The following SP100 variants were observed in gnomAD, a reference collection of about 807,000 sequenced individuals.
SP100 encodes SP100 nuclear body protein.
A neutral mutation model predicts 130.0 loss-of-function variants in SP100; 84 were observed. The observed-to-expected ratio is 0.65, with a 90% CI of 0.54 to 0.77. SP100 has a LOEUF of 0.77. SP100 is among the 30% of genes least tolerant of loss of function. The pLI is 0.00. For missense variants in SP100, 978 were observed against 1,052.2 expected (o/e 0.93, Z 0.97); for synonymous variants, 331 against 351.7 (o/e 0.94, Z 0.66).
At chr2:230,488,383 T>G (rs192990696) in intron 17 of SP100, among the ~76,000 whole-genome samples, 1 of 151,758 alleles carries the variant, frequency 6.6e-6, no homozygotes, top group Non-Finnish European at 1.5e-5. Flanking sequence ...TTATTGAGAG[T>G]TTTTTTTGTT....
At chr2:230,530,465 A>C (rs867434630) in intron 24 of SP100, among the ~76,000 whole-genome samples, 2 of 152,194 alleles carry the variant, frequency 1.3e-5, no homozygotes, top group African/African-American at 2.4e-5. Context: ...TAGACCTAAA[A>C]CCATAAAAAC....
Position 230,460,592 on chromosome 2 carries a change from C to CTTTTTTTTTT in SP100, c.821-637_821-628dup, listed in dbSNP as rs1193506734. On this transcript the variant is annotated intron_variant, in intron 8 of 28. Transcript: ENST00000340126. ...TGTCTGGGGTATTGGTAATCTGTTT[C>CTTTTTTTTTT]TTTTTTTTTTTTTTTTTTTTTTTTT... Among the ~76,000 whole-genome samples, 5 of 17,196 alleles carry CTTTTTTTTTT rather than the reference C, an allele frequency of 2.9e-4. 1 individual carries two copies. Among genetic ancestry groups the CTTTTTTTTTT allele is most frequent in the Admixed American group, 7.3e-4 (1 of 1,370 alleles). 11.3% of individuals were successfully genotyped at this position (17,196 alleles called of 152,430 possible).
chr2:230,496,377 T>A (rs1344892743), intron 18 of SP100, among the ~76,000 whole-genome samples: 2 of 152,154 alleles, frequency 1.3e-5, no homozygotes, highest in African/African-American at 4.8e-5. Context: ...AATTATGTGG[T>A]AGGGAAGCTG....
chr2:230,438,646 T>TAC (rs781338684), intron 2 of SP100, among the ~76,000 whole-genome samples: 250 of 99,018 alleles, frequency 2.5e-3, no homozygotes, highest in Middle Eastern at 4.5e-3. Context: ...GGTGTATATA[T>TAC]ATACACACAC....
At chr2:230,541,816 C>T (rs1246072615) in intron 27 of SP100, 76 bp from the exon 28 acceptor site, 28 of 1,510,430 alleles carry the variant, frequency 1.9e-5, no homozygotes, top group Non-Finnish European at 2.4e-5. Context: ...GGGGGAACTC[C>T]ACAAACCTTT....
At position 230,467,208 on chromosome 2, in the gene SP100, T is replaced by A. The variant is rs150865147; in HGVS notation, c.1284T>A (p.Gly428=). 1.8e-4 allele frequency: 297 copies of A among 1,612,138 alleles called. 2 individuals are homozygous for A. In the African/African-American group the frequency reaches 3.5e-3, roughly 19 times the overall value. Residue 428 remains glycine, a synonymous_variant, in exon 13 of 29, where the codon GGT becomes GGA. Coordinates refer to ENST00000340126, the MANE Select transcript of SP100 (RefSeq NM_001080391.2). Reference sequence around the variant, plus strand: ...GCGGGGCACTGAGAAGCAAGCATGGTGAGAAGGGTAAGAACAGCTCCCTTG... The same window carrying A: ...GCGGGGCACTGAGAAGCAAGCATGGAGAGAAGGGTAAGAACAGCTCCCTTG... ...ASSGALRSKH[G]EKAPMTSRST...
chr2:230,432,832 A>G (rs1163829451), intron 2 of SP100, among the ~76,000 whole-genome samples: 1 of 152,208 alleles, frequency 6.6e-6, no homozygotes, highest in Non-Finnish European at 1.5e-5. Flanking sequence ...GGCACAAAAG[A>G]TTTAAATTTT....
intron 24 of SP100, chr2:230,516,344 T>A (rs1690914034): frequency 6.5e-6 from 1 of 153,608 alleles, no homozygotes; most frequent in Admixed American, 6.5e-5. Flanking sequence ...TATGGCAAAT[T>A]CATGTAGAGA....
chr2:230,514,217 G>A (rs1205507518), intron 24 of SP100, among the ~76,000 whole-genome samples: 1 of 152,174 alleles, frequency 6.6e-6, no homozygotes, highest in Non-Finnish European at 1.5e-5. Flanking sequence ...TATAGTTGCT[G>A]TTGCTAGTCT....
At position 230,421,724 on chromosome 2, in the gene SP100, T is replaced by C. The variant is rs2062774314; in HGVS notation, c.107+4059T>C. ...AAGAAACCTGATGCCATTCTGATTA[T>C]TGATCCTGTCTTTCTATGTCACCTG... On this transcript the variant is annotated intron_variant, in intron 2 of 28. Transcript: ENST00000340126. Among the ~76,000 whole-genome samples the C allele has an allele frequency of 3.9e-5, 6 of 152,140 alleles. No individual in the cohort carries two copies. The South Asian group carries it at 1.2e-3, about 31-fold the overall frequency.
At chr2:230,507,842 G>A (rs898715309) in intron 22 of SP100, 151 bp from the exon 23 acceptor site, 7 of 675,482 alleles carry the variant, frequency 1.0e-5, no homozygotes, top group Non-Finnish European at 1.7e-5. Flanking sequence ...AATCCCTGGA[G>A]AATCATGAAA....
chr2:230,473,258 TG>T, intron 15 of SP100, 65 bp from the exon 16 acceptor site: 7 of 1,079,690 alleles, frequency 6.5e-6, no homozygotes, highest in Non-Finnish European at 9.9e-6. Context: ...TCACTAATGT[TG>T]GGGGGAAGGA....
At chr2:230,421,141 G>A (rs542187090) in intron 2 of SP100, among the ~76,000 whole-genome samples, 2 of 151,830 alleles carry the variant, frequency 1.3e-5, no homozygotes, top group South Asian at 2.1e-4. Context: ...GCCCCTCCCC[G>A]CCGACCCCAC....
chr2:230,499,694 C>T (rs2066906120), intron 19 of SP100, among the ~76,000 whole-genome samples: 1 of 151,440 alleles, frequency 6.6e-6, no homozygotes, highest in Non-Finnish European at 1.5e-5. Flanking sequence ...CGTGCTTCTT[C>T]ATTATTCCCC....
At chr2:230,493,288 G>A (rs2150043162) in intron 17 of SP100, among the ~76,000 whole-genome samples, 1 of 152,302 alleles carries the variant, frequency 6.6e-6, no homozygotes, top group East Asian at 1.9e-4. Context: ...AGCCATCTCA[G>A]CTCACTGCAA....
chr2:230,498,709 A>C (rs566229911), intron 19 of SP100, among the ~76,000 whole-genome samples, 174 bp downstream of exon 19: 1 of 152,212 alleles, frequency 6.6e-6, no homozygotes, highest in Non-Finnish European at 1.5e-5. Context: ...ACCACAAACA[A>C]GTAGCTAGGT....
chr2:230,424,139 C>T (rs911849231), intron 2 of SP100, among the ~76,000 whole-genome samples: 4 of 152,132 alleles, frequency 2.6e-5, no homozygotes, highest in East Asian at 3.8e-4. Flanking sequence ...TGTAAAATGA[C>T]GGTATTAATA....
intron 8 of SP100, among the ~76,000 whole-genome samples, chr2:230,459,349 A>G (rs1173682480): frequency 6.6e-6 from 1 of 152,152 alleles, no homozygotes; most frequent in Non-Finnish European, 1.5e-5. Flanking sequence ...ATTACTATGG[A>G]GAAAGATCAG....
chr2:230,469,916 T>G, intron 14 of SP100, 99 bp from the exon 15 acceptor site: 2 of 1,508,548 alleles, frequency 1.3e-6, no homozygotes, highest in Non-Finnish European at 1.8e-6. Flanking sequence ...CTCCCCCTCC[T>G]CCACAAGCTT....
Sources: gnomAD v4.1 joint callset for allele counts (sites outside exome capture counted in the v4.1 genomes callset) on GRCh38, gnomAD v4.1.1 for gene constraint, MANE v1.5 for transcripts, NCBI Gene and HGNC (gene_info 2026-07-23, HGNC 2026-07-21) for gene names.